Variants in SGCD observed in about 807,000 individuals in gnomAD.
SGCD encodes sarcoglycan delta.
In SGCD, 18 loss-of-function variants were observed where a neutral mutation model predicts 36.6. That is an observed-to-expected ratio of 0.49 (90% CI 0.34 to 0.73). The LOEUF (loss-of-function observed/expected upper bound fraction) is 0.73. Among genes scored for constraint, SGCD ranks in the 30% least tolerant of loss-of-function variants. The probability of loss-of-function intolerance (pLI) is 0.01; values close to 1 mark genes in which losing one functional copy is unlikely to be tolerated. For synonymous variants in SGCD, 133 were observed against 130.6 expected (o/e 1.02, Z -0.12); for missense variants, 387 against 346.7 (o/e 1.12, Z -0.92).
intron 4 of SGCD, among the ~76,000 whole-genome samples, chr5:156,516,152 C>T (rs1267210644): frequency 1.3e-5 from 2 of 152,268 alleles, no homozygotes; most frequent in Non-Finnish European, 2.9e-5. Context: ...AAAACACCCG[C>T]TCTGCCAAAG....
intron 3 of SGCD, among the ~76,000 whole-genome samples, chr5:156,469,347 C>A: frequency 6.6e-6 from 1 of 152,162 alleles, no homozygotes. Flanking sequence ...AGGGCATCTG[C>A]CATAGCCTGT....
At chr5:156,287,900 AAAAC>A (rs1277954936) in intron 3 of SGCD, among the ~76,000 whole-genome samples, 2 of 152,202 alleles carry the variant, frequency 1.3e-5, no homozygotes, top group African/African-American at 4.8e-5. Flanking sequence ...CTCTGTCTCA[AAAAC>A]AAACAAGGCT....
In SGCD at chr5:156,525,163, G is replaced by A. The variant is rs140447685; in HGVS notation, c.294+16461G>A. ...GACGCTCCATGCAGTTTTCCATAAT[G>A]GCTGTACCAATTTACATTTCAACCA... On this transcript the variant is annotated intron_variant, in intron 4 of 8. Coordinates refer to ENST00000337851, the MANE Select transcript of SGCD (RefSeq NM_000337.6). 3.3e-4 allele frequency among the ~76,000 whole-genome samples: 50 copies of A among 152,104 alleles called. No homozygotes were observed. In the East Asian group the frequency reaches 9.5e-3, roughly 29 times the overall value.
chr5:156,704,887 T>C (rs1754677659), intron 7 of SGCD, among the ~76,000 whole-genome samples: 1 of 151,596 alleles, frequency 6.6e-6, no homozygotes, highest in African/African-American at 2.4e-5. Flanking sequence ...TGGTGGTAGC[T>C]TGCCTAGATT....
At chr5:155,893,755 C>A (rs1299143223) in intron 1 of SGCD, among the ~76,000 whole-genome samples, 2 of 152,224 alleles carry the variant, frequency 1.3e-5, no homozygotes, top group Non-Finnish European at 2.9e-5. Context: ...CAGGAATACT[C>A]TACGAGAAAT....
At position 156,423,316 on chromosome 5, in the gene SGCD, TATA is replaced by T. The variant is rs1218166525; in HGVS notation, c.192+78643_192+78645del. ...TATAATATAATATATTTTATTATAA[TATA>T]ATATATTTTATTATAATATAATATA... is the stretch of plus-strand genomic sequence containing the variant. On this transcript the variant is annotated intron_variant, in intron 3 of 8. Transcript: ENST00000337851. Among the ~76,000 whole-genome samples, 406 of 93,562 alleles carry T rather than the reference TATA, an allele frequency of 4.3e-3. 5 individuals carry two copies. The highest frequency in any genetic ancestry group is 0.019 in the African/African-American group (370 of 19,092). The allele number at this position is 93,562 out of a possible 152,430, so 61.4% of individuals were successfully genotyped here.
At chr5:156,669,856 T>C (rs1753214679) in intron 7 of SGCD, among the ~76,000 whole-genome samples, 1 of 152,182 alleles carries the variant, frequency 6.6e-6, no homozygotes, top group Non-Finnish European at 1.5e-5. Flanking sequence ...CCAAAAGCAG[T>C]CCTAGATTTT....
chr5:156,528,830 A>G (rs761010159), intron 4 of SGCD, among the ~76,000 whole-genome samples: 5 of 152,210 alleles, frequency 3.3e-5, no homozygotes, highest in African/African-American at 7.2e-5. Context: ...GAACAAAATT[A>G]GCATTTCCAG....
At chr5:156,540,964 T>A (rs17639859) in intron 4 of SGCD, among the ~76,000 whole-genome samples, 40,304 of 152,094 alleles carry the variant, frequency 0.26, 5,564 homozygotes, top group Non-Finnish European at 0.31. Context: ...CAAGTAGGTA[T>A]CCATTTTGTT....
At chr5:156,193,029 C>A (rs141963352) in intron 3 of SGCD, among the ~76,000 whole-genome samples, 26 of 151,664 alleles carry the variant, frequency 1.7e-4, no homozygotes, top group African/African-American at 6.3e-4. Flanking sequence ...CTACATGTCA[C>A]GAAATATTAT....
intron 3 of SGCD, among the ~76,000 whole-genome samples, chr5:156,255,575 T>A (rs1765694260): frequency 6.6e-6 from 1 of 152,188 alleles, no homozygotes; most frequent in African/African-American, 2.4e-5. Context: ...GGAGTTTCCT[T>A]GAGTCAGTTG....
chr5:156,465,789 A>G (rs1273596347), intron 3 of SGCD, among the ~76,000 whole-genome samples: 1 of 152,220 alleles, frequency 6.6e-6, no homozygotes, highest in Non-Finnish European at 1.5e-5. Flanking sequence ...AGTTGGATAG[A>G]GATTTGGCAC....
intron 3 of SGCD, among the ~76,000 whole-genome samples, chr5:156,378,507 A>G (rs2127745672): frequency 6.6e-6 from 1 of 152,272 alleles, no homozygotes; most frequent in East Asian, 1.9e-4. Flanking sequence ...ATTTTACCAC[A>G]GTTTAATAAA....
At chr5:156,138,055 C>A (rs559799657) in intron 3 of SGCD, among the ~76,000 whole-genome samples, 1 of 152,088 alleles carries the variant, frequency 6.6e-6, no homozygotes, top group Non-Finnish European at 1.5e-5. Context: ...TTCATTCAGT[C>A]GTGATATTTT....
At chr5:155,800,320 G>C in the SGCD span, among the ~76,000 whole-genome samples, 2 of 152,010 alleles carry the variant, frequency 1.3e-5, no homozygotes, top group African/African-American at 2.4e-5. Context: ...ATTTGTTTCT[G>C]GTTTGGCGTA....
At chr5:156,427,320 GT>G (rs1375060414) in intron 3 of SGCD, among the ~76,000 whole-genome samples, 42 of 152,074 alleles carry the variant, frequency 2.8e-4, no homozygotes, top group African/African-American at 1.0e-3. Flanking sequence ...AAGGGATCAT[GT>G]TCTTGATTTG....
intron 4 of SGCD, among the ~76,000 whole-genome samples, chr5:156,571,763 A>G (rs1759733964): frequency 6.6e-6 from 1 of 152,236 alleles, no homozygotes; most frequent in Admixed American, 6.5e-5. Flanking sequence ...GGTAAAATAC[A>G]CATGATATAA....
intron 1 of SGCD, among the ~76,000 whole-genome samples, chr5:155,872,643 C>T (rs1354223935): frequency 6.6e-6 from 1 of 152,034 alleles, no homozygotes; most frequent in Non-Finnish European, 1.5e-5. Context: ...CTTGGCTATC[C>T]TCCTGTTTGC....
At chr5:155,848,941 G>A in the SGCD span, among the ~76,000 whole-genome samples, 14,768 of 152,140 alleles carry the variant, frequency 0.097, 857 homozygotes, top group South Asian at 0.2. Flanking sequence ...ATTAATTCGT[G>A]GGTAACTTGG....
Sources: gnomAD v4.1 joint callset for allele counts (sites outside exome capture counted in the v4.1 genomes callset) on GRCh38, gnomAD v4.1.1 for gene constraint, MANE v1.5 for transcripts, NCBI Gene and HGNC (gene_info 2026-07-23, HGNC 2026-07-21) for gene names.